The following MARCHF1 variants were observed in gnomAD, a reference collection of about 807,000 sequenced individuals.
The protein encoded by MARCHF1 is membrane associated ring-CH-type finger 1, also known as E3 ubiquitin-protein ligase MARCHF1.
Under a neutral mutation model 54.2 loss-of-function variants are expected in MARCHF1, and 40 were observed. The ratio of observed to expected loss-of-function variants is 0.74; its 90% CI spans 0.57 to 0.96. The LOEUF is 0.96. Among genes scored for constraint, MARCHF1 ranks in the 40% least tolerant of loss-of-function variants. MARCHF1 has a pLI of 0.00. For synonymous variants in MARCHF1, 236 were observed against 236.3 expected, an observed-to-expected ratio of 1.00 and a Z score of 0.01; for missense variants, 586 against 656.5, an observed-to-expected ratio of 0.89 and a Z score of 1.17.
At chr4:163,609,690 T>C (rs186498423) in intron 7 of MARCHF1, among the ~76,000 whole-genome samples, 2 of 151,162 alleles carry the variant, frequency 1.3e-5, no homozygotes, top group African/African-American at 2.4e-5. Flanking sequence ...ATATATATAT[T>C]TTTTTGCCCT....
intron 3 of MARCHF1, among the ~76,000 whole-genome samples, chr4:163,962,411 G>C (rs1752359875): frequency 1.3e-5 from 2 of 151,860 alleles, no homozygotes; most frequent in African/African-American, 2.4e-5. Flanking sequence ...TTTTAAGGTG[G>C]AGGTAGCTAG....
At chr4:164,312,323 T>TC (rs1358046234) in intron 1 of MARCHF1, among the ~76,000 whole-genome samples, 6 of 138,964 alleles carry the variant, frequency 4.3e-5, no homozygotes, top group Admixed American at 1.4e-4. Flanking sequence ...CTTTTTCTTT[T>TC]TTTTTTTTTT....
At chr4:163,773,573 A>AAC (rs1289512941) in intron 4 of MARCHF1, among the ~76,000 whole-genome samples, 1 of 152,200 alleles carries the variant, frequency 6.6e-6, no homozygotes, top group Non-Finnish European at 1.5e-5. Context: ...ATGATGCTCA[A>AAC]ACAATATAGC....
intron 3 of MARCHF1, among the ~76,000 whole-genome samples, chr4:163,865,689 T>A (rs371781128): frequency 7.2e-5 from 11 of 151,760 alleles, no homozygotes; most frequent in East Asian, 5.8e-4. Context: ...ATATTTTACA[T>A]ACATTTTATT....
intron 3 of MARCHF1, among the ~76,000 whole-genome samples, chr4:163,935,697 G>T (rs11735588): frequency 0.044 from 4,292 of 98,554 alleles, 63 homozygotes; most frequent in African/African-American, 0.058. Flanking sequence ...TGTTTTGCTT[G>T]CTTTCTTTTT....
intron 4 of MARCHF1, among the ~76,000 whole-genome samples, chr4:163,718,569 T>C (rs72993160): frequency 0.039 from 5,908 of 152,270 alleles, 177 homozygotes; most frequent in East Asian, 0.077. Context: ...GCAAAACCCA[T>C]GTGTGTTGCT....
intron 3 of MARCHF1, among the ~76,000 whole-genome samples, chr4:163,876,133 A>T (rs919696671): frequency 2.0e-5 from 3 of 152,162 alleles, no homozygotes; most frequent in Non-Finnish European, 4.4e-5. Context: ...TGATATTTGA[A>T]TTCTGCATTT....
At chr4:163,762,277 T>C (rs555458787) in intron 4 of MARCHF1, among the ~76,000 whole-genome samples, 1 of 152,304 alleles carries the variant, frequency 6.6e-6, no homozygotes, top group South Asian at 2.1e-4. Context: ...TGGCATTTTA[T>C]AAAACCAACT....
intron 2 of MARCHF1, among the ~76,000 whole-genome samples, chr4:164,031,664 C>T (rs1019274598): frequency 6.6e-5 from 10 of 152,144 alleles, no homozygotes; most frequent in African/African-American, 2.2e-4. Context: ...ACCAGCCTTG[C>T]ATCCCAGAGA....
At chr4:164,119,383 TAAATACAAATAAAG>T (rs1007825190) in intron 1 of MARCHF1, among the ~76,000 whole-genome samples, 6 of 148,446 alleles carry the variant, frequency 4.0e-5, no homozygotes, top group Non-Finnish European at 7.5e-5. Context: ...ATACAAATAA[TAAATACAAATAAAG>T]AAATACAAAT....
intron 1 of MARCHF1, among the ~76,000 whole-genome samples, chr4:164,191,247 T>G (rs1731116351): frequency 6.6e-6 from 1 of 152,218 alleles, no homozygotes; most frequent in Non-Finnish European, 1.5e-5. Context: ...TGAATCACCA[T>G]TGCATACCTC....
chr4:164,136,533 G>T (rs1204215129), intron 1 of MARCHF1, among the ~76,000 whole-genome samples: 1 of 152,190 alleles, frequency 6.6e-6, no homozygotes, highest in African/African-American at 2.4e-5. Context: ...CCGATTGGCT[G>T]GGAGCAGGGA....
intron 4 of MARCHF1, among the ~76,000 whole-genome samples, chr4:163,852,388 C>G (rs1380107473): frequency 6.6e-6 from 1 of 152,114 alleles, no homozygotes; most frequent in African/African-American, 2.4e-5. Context: ...CACTAAAGCA[C>G]AGAAGCAGTA....
intron 2 of MARCHF1, among the ~76,000 whole-genome samples, chr4:164,058,236 G>A (rs1028503869): frequency 5.9e-5 from 9 of 152,088 alleles, no homozygotes; most frequent in South Asian, 2.1e-4. Flanking sequence ...AAACCTGCAC[G>A]TTCTGCACAA....
intron 3 of MARCHF1, among the ~76,000 whole-genome samples, chr4:163,932,291 T>C (rs935648836): frequency 1.3e-5 from 2 of 152,152 alleles, no homozygotes; most frequent in African/African-American, 4.8e-5. Context: ...CCACATTGAC[T>C]GACTCTTTCT....
chr4:163,684,258 G>A (rs558219949), intron 5 of MARCHF1, among the ~76,000 whole-genome samples: 2 of 152,270 alleles, frequency 1.3e-5, no homozygotes, highest in African/African-American at 4.8e-5. Context: ...AGAACATGTG[G>A]CAGGGATTGT....
At chr4:164,188,830 T>TA in intron 1 of MARCHF1, 1 of 791,558 alleles carries the variant, frequency 1.3e-6, no homozygotes, top group Non-Finnish European at 2.3e-6. Flanking sequence ...TGGTTCTCAC[T>TA]AAAATGCAAT....
chr4:163,762,667 G>T (rs186125799), intron 4 of MARCHF1, among the ~76,000 whole-genome samples: 1 of 152,082 alleles, frequency 6.6e-6, no homozygotes, highest in East Asian at 1.9e-4. Flanking sequence ...TATACAAATA[G>T]CACACTTACC....
rs1307123095 is a variant in MARCHF1, at chr4:163,613,669, AAT to A, written c.163-278_163-277del. 4 of 1,358,196 alleles carry A rather than the reference AAT, an allele frequency of 2.9e-6. 1 individual carries two copies. The highest frequency in any genetic ancestry group is 3.8e-6 in the Non-Finnish European group (4 of 1,045,424). The allele number at this position is 1,358,196 out of a possible 1,614,324, so 84.1% of individuals were successfully genotyped here. Reference sequence around the variant, plus strand: ...CACAAGTTTCTATTCTATTTACTGTAATCATTTGAGTGGAATAGCTCAATTTG... The same window carrying A: ...CACAAGTTTCTATTCTATTTACTGTACATTTGAGTGGAATAGCTCAATTTG... On this transcript the variant is annotated intron_variant, in intron 5 of 9. Transcript: ENST00000514618.
Sources: gnomAD v4.1 joint callset for allele counts (sites outside exome capture counted in the v4.1 genomes callset) on GRCh38, gnomAD v4.1.1 for gene constraint, MANE v1.5 for transcripts, NCBI Gene and HGNC (gene_info 2026-07-23, HGNC 2026-07-21) for gene names.